Variants in PGLYRP4 observed in about 807,000 individuals in gnomAD.
The protein encoded by PGLYRP4 is peptidoglycan recognition protein 4.
A neutral mutation model predicts 41.2 loss-of-function variants in PGLYRP4; 39 were observed. That is an observed-to-expected ratio of 0.95 (90% CI 0.73 to 1.24). The LOEUF (loss-of-function observed/expected upper bound fraction) is 1.24. PGLYRP4 is among the 50% of genes most tolerant of loss of function. The probability of loss-of-function intolerance (pLI) is 0.00; values close to 1 mark genes in which losing one functional copy is unlikely to be tolerated. For missense variants in PGLYRP4, 467 were observed against 460.7 expected (o/e 1.01, Z -0.13); for synonymous variants, 202 against 186.8 (o/e 1.08, Z -0.66).
At chr1:153,333,282 C>T (rs1275462374) in intron 8 of PGLYRP4, among the ~76,000 whole-genome samples, 2 of 152,086 alleles carry the variant, frequency 1.3e-5, no homozygotes, top group African/African-American at 2.4e-5. Flanking sequence ...TCAGAGATTA[C>T]TATGAGCATC....
Position 153,345,266 on chromosome 1 carries a change from C to T in PGLYRP4, c.256G>A (p.Gly86Arg). 6.2e-7 allele frequency: 1 copy of T among 1,614,162 alleles called. No homozygotes were observed. Among genetic ancestry groups the T allele is most frequent in the Non-Finnish European group, 8.5e-7 (1 of 1,180,026 alleles). ...ACTGTCTGGTCGTGACACTCCAGTC[C>T]AGGGACATGGTGTATAACAAGGACA... is the stretch of plus-strand genomic sequence containing the variant. The part of the protein sequence containing the change: ...VNVLVIHHVP[G>R]LECHDQTVCS... The change falls in exon 4 of 9, where the codon GGA becomes AGA. Residue 86 changes from glycine (G) to arginine (R), a missense_variant. Gly to Arg is a moderately radical substitution (Grantham distance 125). Coordinates refer to ENST00000359650, the MANE Select transcript of PGLYRP4 (RefSeq NM_020393.4).
At chr1:153,340,625 T>G (rs1206862985) in intron 6 of PGLYRP4, 46 bp from the exon 7 acceptor site, 1 of 1,576,938 alleles carries the variant, frequency 6.3e-7, no homozygotes, top group South Asian at 1.1e-5. Flanking sequence ...TCCCCATCTA[T>G]GCCAGCCACT....
chr1:153,337,685 T>G (rs1660625975), intron 7 of PGLYRP4, among the ~76,000 whole-genome samples: 1 of 152,168 alleles, frequency 6.6e-6, no homozygotes, highest in Non-Finnish European at 1.5e-5. Context: ...GGCCCCCAGG[T>G]AGCTCACAGT....
At position 153,345,338 on chromosome 1, in the gene PGLYRP4, C is replaced by T. The variant is rs142294146; in HGVS notation, c.184G>A (p.Gly62Arg). ...ATACTGCAGCCAACAGCTTCTGCCC[C>T]CCATGCCTTGCGAGAGACCGTGGTG... ...VSTTVSRKAW[G>R]AEAVGCSIQL... The change falls in exon 4 of 9, where the codon GGG becomes AGG. Residue 62 changes from glycine (G) to arginine (R), a missense_variant. Transcript: ENST00000359650. 4.4e-5 allele frequency: 71 copies of T among 1,614,196 alleles called. No individual in the cohort carries two copies. In the East Asian group the frequency reaches 1.6e-3, roughly 35 times the overall value.
chr1:153,343,214 G>C lies in PGLYRP4; in HGVS notation c.354-6C>G, dbSNP rs1571139706. The C allele has an allele frequency of 6.3e-7, 1 of 1,593,522 alleles. No individual in the cohort carries two copies. The highest frequency in any genetic ancestry group is 8.6e-7 in the Non-Finnish European group (1 of 1,161,414). ...CATCATCCCCAACCAGGAAGCTATG[G>C]AGCAAGATAATACAGGTTTCATGGC... On this transcript the variant is annotated splice_region_variant and splice_polypyrimidine_tract_variant and intron_variant, in intron 4 of 8. Transcript: ENST00000359650.
intron 8 of PGLYRP4, among the ~76,000 whole-genome samples, chr1:153,332,270 A>G (rs760254745): frequency 4.6e-5 from 7 of 152,186 alleles, no homozygotes; most frequent in Non-Finnish European, 8.8e-5. Flanking sequence ...AGCTATAACA[A>G]TCCTAAATAT....
At chr1:153,341,854 C>A in intron 5 of PGLYRP4, 75 bp from the exon 6 acceptor site, 2 of 1,450,310 alleles carry the variant, frequency 1.4e-6, no homozygotes, top group Non-Finnish European at 1.9e-6. Flanking sequence ...GGAGAAGATG[C>A]TCTGCCAGCC....
intron 8 of PGLYRP4, among the ~76,000 whole-genome samples, chr1:153,334,464 T>A (rs865800745): frequency 1.7e-5 from 1 of 57,160 alleles, no homozygotes; most frequent in Non-Finnish European, 4.3e-5. Flanking sequence ...ATATATATAT[T>A]TATTTATATA....
chr1:153,347,221 G>A (rs574190363), intron 2 of PGLYRP4, among the ~76,000 whole-genome samples: 17 of 152,024 alleles, frequency 1.1e-4, no homozygotes, highest in Admixed American at 5.9e-4. Flanking sequence ...CTACAGGAGC[G>A]CGCCAGATGG....
intron 3 of PGLYRP4, 91 bp downstream of exon 3, chr1:153,346,011 C>T: frequency 1.1e-6 from 1 of 914,974 alleles, no homozygotes; most frequent in South Asian, 1.4e-5. Context: ...CTCCCAGTCA[C>T]ATGTGGCTTT....
rs533547592 is a variant in PGLYRP4 at position 153,336,913 on chromosome 1, A to T, written c.943+268T>A. Among the ~76,000 whole-genome samples the T allele has an allele frequency of 2.0e-5, 3 of 152,134 alleles. No individual in the cohort carries two copies. The South Asian group carries it at 6.2e-4, about 32-fold the overall frequency. On this transcript the variant is annotated intron_variant, in intron 8 of 8. Transcript: ENST00000359650. ...AGATGAGCTAAAAATAAGCACAAAG[A>T]TCTTTTCCCCTTACTTTGCATGTTC...
At chr1:153,341,562 G>T in intron 6 of PGLYRP4, 65 bp downstream of exon 6, 1 of 1,418,870 alleles carries the variant, frequency 7.0e-7, no homozygotes, top group Non-Finnish European at 9.7e-7. Context: ...CACTCCCAAT[G>T]GTATTTGCGA....
rs938485372 is a variant in PGLYRP4, at chr1:153,330,875, G to A, written c.1014C>T (p.Tyr338=). Reference sequence around the variant, plus strand: ...CCACCAGCAGGTAGTTGGGAGTCAGGTACCCTTTGACCATGGCACACTGGA... The same window carrying A: ...CCACCAGCAGGTAGTTGGGAGTCAGATACCCTTTGACCATGGCACACTGGA... The part of the protein sequence containing the change: ...DLIQCAMVKG[Y]LTPNYLLVGH... The change falls in exon 9 of 9, where the codon TAC becomes TAT. Residue 338 remains tyrosine, a synonymous_variant. Coordinates refer to ENST00000359650, the MANE Select transcript of PGLYRP4 (RefSeq NM_020393.4). The A allele has an allele frequency of 2.5e-6, 4 of 1,613,844 alleles. No homozygotes were observed. In the African/African-American group the frequency reaches 5.3e-5, roughly 22 times the overall value.
At chr1:153,335,603 T>C (rs1462629137) in intron 8 of PGLYRP4, among the ~76,000 whole-genome samples, 1 of 152,102 alleles carries the variant, frequency 6.6e-6, no homozygotes, top group Non-Finnish European at 1.5e-5. Context: ...CATGCACCTG[T>C]AGTCCTAGCT....
intron 3 of PGLYRP4, 68 bp downstream of exon 3, chr1:153,346,034 A>T: frequency 2.5e-6 from 3 of 1,197,816 alleles, no homozygotes; most frequent in Non-Finnish European, 3.7e-6. Flanking sequence ...AGACCTCAGA[A>T]ACATTTCCGA....
In PGLYRP4 at chr1:153,341,714, C is replaced by T. The variant is rs201397230; in HGVS notation, c.538G>A (p.Gly180Ser). 1.7e-4 allele frequency: 278 copies of T among 1,613,832 alleles called. No individual in the cohort carries two copies. The highest frequency in any genetic ancestry group is 4.4e-5 in the Non-Finnish European group (52 of 1,179,972). The stretch of plus-strand genomic sequence containing the variant: ...TGAACATAACTGGATGACAGGTGGC[C>T]CTTCTGGACAGCATAGGTGATTAGG... ...ENLITYAVQK[G>S]HLSSSYVQPL... The change falls in exon 6 of 9, where the codon GGC (glycine) becomes AGC (serine). Residue 180 changes from glycine to serine, a missense_variant. Gly to Ser is a moderately conservative substitution (Grantham distance 56, BLOSUM62 0). Coordinates refer to ENST00000359650, the MANE Select transcript of PGLYRP4 (RefSeq NM_020393.4).
chr1:153,342,632 G>A (rs1160695239), intron 5 of PGLYRP4, among the ~76,000 whole-genome samples: 3 of 89,894 alleles, frequency 3.3e-5, no homozygotes, highest in Non-Finnish European at 7.4e-5. Context: ...GAGATTAGGG[G>A]ACCCAGAGTG....
intron 5 of PGLYRP4, among the ~76,000 whole-genome samples, chr1:153,342,551 AGTACATAT>A (rs1289347412): frequency 6.6e-6 from 1 of 152,248 alleles, no homozygotes; most frequent in Non-Finnish European, 1.5e-5. Flanking sequence ...ATGGTCCTGG[AGTACATAT>A]GTTAAGATGC....
rs1465719569 is a variant in PGLYRP4 at position 153,337,251 on chromosome 1, A to T, written c.873T>A (p.Asn291Lys). The change falls in exon 8 of 9, where the codon AAT (asparagine) becomes AAA (lysine). Residue 291 changes from asparagine to lysine, a missense_variant. By Grantham distance (94) the Asn-to-Lys change is moderately conservative. Coordinates refer to ENST00000359650, the MANE Select transcript of PGLYRP4 (RefSeq NM_020393.4). ...AGCCAGGGGTGGAGGAGCCTTGGAC[A>T]TTCCAGCCCACCCCTTCATAAATGG... Reference protein sequence around the residue: ...DGAIYEGVGWNVQGSSTPGYD... With the variant: ...DGAIYEGVGWKVQGSSTPGYD... 4 of 1,613,264 alleles carry T rather than the reference A, an allele frequency of 2.5e-6. No homozygotes were observed. The highest frequency in any genetic ancestry group is 1.7e-5 in the Admixed American group (1 of 59,896).
Sources: allele counts gnomAD v4.1 joint callset (sites outside exome capture counted in the v4.1 genomes callset), GRCh38; gene constraint gnomAD v4.1.1; transcripts MANE v1.5; gene names NCBI Gene and HGNC (gene_info 2026-07-23, HGNC 2026-07-21).